The following KIAA1671 variants were observed in gnomAD, a reference collection of about 807,000 sequenced individuals.
KIAA1671 encodes uncharacterized protein KIAA1671.
KIAA1671 carries 52 observed loss-of-function variants against 131.2 expected under a neutral mutation model. The ratio of observed to expected loss-of-function variants is 0.40; its 90% confidence interval spans 0.32 to 0.50. KIAA1671 has a LOEUF of 0.50. KIAA1671 is among the 20% of genes least tolerant of loss of function. The pLI, the probability that KIAA1671 is intolerant of heterozygous loss-of-function variation, is 0.73. For missense variants in KIAA1671, 2,360 were observed against 2,364.2 expected (o/e 1.00, Z 0.04); for synonymous variants, 1,003 against 961.6 (o/e 1.04, Z -0.80).
intron 6 of KIAA1671, among the ~76,000 whole-genome samples, chr22:25,089,308 C>G (rs1419414829): frequency 9.4e-6 from 1 of 106,378 alleles, no homozygotes. Flanking sequence ...GAGTTTTGCT[C>G]TTGTTGCCCA....
intron 11 of KIAA1671, among the ~76,000 whole-genome samples, chr22:25,187,421 C>T (rs559210648): frequency 6.6e-6 from 1 of 152,312 alleles, no homozygotes; most frequent in Admixed American, 6.5e-5. Flanking sequence ...TCCCCTGCTC[C>T]ATGTTCCATA....
At chr22:25,014,809 A>G (rs1040601721) in intron 1 of KIAA1671, 5 of 152,166 alleles carry the variant, frequency 3.3e-5, no homozygotes, top group African/African-American at 1.2e-4. Flanking sequence ...AGGCTCAGCC[A>G]GAATACTGTA....
chr22:25,072,365 G>A (rs1928875233), intron 6 of KIAA1671, among the ~76,000 whole-genome samples: 1 of 152,182 alleles, frequency 6.6e-6, no homozygotes, highest in Admixed American at 6.5e-5. Context: ...GTAGGATGAG[G>A]CAGTTTAGAA....
At position 25,028,829 on chromosome 22, in the gene KIAA1671, T is replaced by G; in HGVS notation, c.830T>G (p.Val277Gly). ...VPPTPPEKTW[V>G]RKPRPLSMDL... is the part of the protein sequence containing the mutation. ...CCCACCCCTCCCGAGAAGACGTGGG[T>G]GAGGAAGCCCAGGCCCTTGTCCATG... is the stretch of plus-strand genomic sequence containing the variant. The change falls in exon 3 of 13, where the codon GTG (valine) becomes GGG (glycine). Residue 277 changes from valine (V) to glycine (G), a missense_variant. By Grantham distance (109) the Val-to-Gly change is moderately radical. Transcript: ENST00000358431. 6.5e-7 allele frequency: 1 copy of G among 1,550,384 alleles called. No homozygotes were observed. The highest frequency in any genetic ancestry group is 8.7e-7 in the Non-Finnish European group (1 of 1,146,726).
chr22:25,099,895 T>C (rs1352034662), intron 6 of KIAA1671, among the ~76,000 whole-genome samples: 1 of 152,150 alleles, frequency 6.6e-6, no homozygotes, highest in East Asian at 1.9e-4. Flanking sequence ...TGCCTGTTGC[T>C]GGGGGCCTCC....
At chr22:25,006,665 A>G (rs764585624) in intron 1 of KIAA1671, among the ~76,000 whole-genome samples, 2 of 152,214 alleles carry the variant, frequency 1.3e-5, no homozygotes, top group Non-Finnish European at 2.9e-5. Context: ...CTTACTTCAC[A>G]GTTCTGATGG....
chr22:25,009,104 G>C (rs551951459), intron 1 of KIAA1671, among the ~76,000 whole-genome samples: 1 of 152,146 alleles, frequency 6.6e-6, no homozygotes, highest in Non-Finnish European at 1.5e-5. Context: ...GTGGAGGGGA[G>C]AGTGCAGTGC....
chr22:25,021,230 G>C (rs1285876451), intron 1 of KIAA1671, among the ~76,000 whole-genome samples: 1 of 151,992 alleles, frequency 6.6e-6, no homozygotes, highest in Non-Finnish European at 1.5e-5. Flanking sequence ...GCTAATTTTT[G>C]TATTTTTTAG....
At chr22:25,094,359 G>A (rs1419083667) in intron 6 of KIAA1671, among the ~76,000 whole-genome samples, 2 of 152,070 alleles carry the variant, frequency 1.3e-5, no homozygotes, top group Non-Finnish European at 2.9e-5. Context: ...GAATGAATCC[G>A]GGATGGAGAC....
chr22:24,979,350 A>ATTTTTT (rs774816891), intron 1 of KIAA1671, among the ~76,000 whole-genome samples: 1 of 134,748 alleles, frequency 7.4e-6, no homozygotes, highest in African/African-American at 2.9e-5. Context: ...TTATTTATTT[A>ATTTTTT]TTTATTTATT....
At chr22:25,013,541 T>G (rs1925151582) in intron 1 of KIAA1671, 1 of 152,194 alleles carries the variant, frequency 6.6e-6, no homozygotes, top group African/African-American at 2.4e-5. Flanking sequence ...TTGGAGGGAA[T>G]TATTTCTTTA....
chr22:25,117,638 G>C (rs55935898), intron 6 of KIAA1671, among the ~76,000 whole-genome samples: 5,374 of 66,532 alleles, frequency 0.081, 120 homozygotes, highest in Middle Eastern at 0.17. Context: ...CACACACACA[G>C]ACACACTGCT....
intron 1 of KIAA1671, among the ~76,000 whole-genome samples, chr22:25,005,853 C>G (rs5752041): frequency 0.13 from 19,927 of 152,036 alleles, 1,479 homozygotes; most frequent in East Asian, 0.29. Context: ...TCTGCCTTTT[C>G]CTACCCAGGT....
At chr22:25,091,065 C>T (rs1382917854) in intron 6 of KIAA1671, among the ~76,000 whole-genome samples, 4 of 151,966 alleles carry the variant, frequency 2.6e-5, no homozygotes, top group East Asian at 1.9e-4. Flanking sequence ...AGTACTAGTC[C>T]ATTTTTTTTT....
At chr22:24,986,686 CCCACCCATCCATCCAT>C (rs1923562947) in intron 1 of KIAA1671, among the ~76,000 whole-genome samples, 1 of 136,204 alleles carries the variant, frequency 7.3e-6, no homozygotes, top group Non-Finnish European at 1.6e-5. Context: ...CACCCATCCA[CCCACCCATCCATCCAT>C]CCATCCACCC....
At chr22:25,050,498 C>T (rs1927477658) in intron 6 of KIAA1671, 1 of 152,246 alleles carries the variant, frequency 6.6e-6, no homozygotes, top group Non-Finnish European at 1.5e-5. Flanking sequence ...GTTTTGGAGA[C>T]ATATGATTTT....
chr22:24,962,674 T>G (rs796483821), intron 1 of KIAA1671, among the ~76,000 whole-genome samples: 17 of 152,326 alleles, frequency 1.1e-4, no homozygotes, highest in African/African-American at 4.1e-4. Context: ...GAGCCTTAGC[T>G]AGTATCGTTA....
intron 6 of KIAA1671, among the ~76,000 whole-genome samples, chr22:25,127,450 A>T (rs960748734): frequency 2.0e-5 from 3 of 152,114 alleles, no homozygotes; most frequent in African/African-American, 7.2e-5. Context: ...GTTAGAAGGG[A>T]GTGAGGTGGA....
intron 1 of KIAA1671, among the ~76,000 whole-genome samples, chr22:25,019,622 G>C (rs1602071601): frequency 6.8e-6 from 1 of 147,380 alleles, no homozygotes; most frequent in African/African-American, 2.5e-5. Context: ...CATTGTCCCT[G>C]TTCTCTTCCA....
Sources: gnomAD v4.1 joint callset for allele counts (sites outside exome capture counted in the v4.1 genomes callset) on GRCh38, gnomAD v4.1.1 for gene constraint, MANE v1.5 for transcripts, NCBI Gene and HGNC (gene_info 2026-07-23, HGNC 2026-07-21) for gene names.